PDE4D: variants seen among roughly 807,000 people sequenced by gnomAD.
The protein encoded by PDE4D is 3',5'-cyclic-AMP phosphodiesterase 4D.
In PDE4D, 24 loss-of-function variants were observed where a neutral mutation model predicts 87.4. That is an observed-to-expected ratio of 0.27 (90% CI 0.20 to 0.39). The LOEUF (loss-of-function observed/expected upper bound fraction) is 0.39, where lower values mean the gene tolerates loss of function less well. Ranked by LOEUF, PDE4D falls within the 10% of genes least tolerant of loss-of-function variation. The pLI, the probability that PDE4D is intolerant of heterozygous loss-of-function variation, is 1.00. For missense variants in PDE4D, 714 were observed against 1,041.0 expected (o/e 0.69, Z 4.32); for synonymous variants, 384 against 383.2 (o/e 1.00, Z -0.02).
chr5:59,580,934 T>C (rs1299566090), intron 1 of PDE4D, among the ~76,000 whole-genome samples: 20 of 152,136 alleles, frequency 1.3e-4, no homozygotes, highest in Admixed American at 1.3e-3. Context: ...AGACTCTAGA[T>C]TATCTATCCT....
chr5:59,607,930 C>G (rs1423547721), intron 1 of PDE4D, among the ~76,000 whole-genome samples: 1 of 152,100 alleles, frequency 6.6e-6, no homozygotes, highest in African/African-American at 2.4e-5. Context: ...CTTTCAATAG[C>G]AGGAGTAGGT....
intron 6 of PDE4D, among the ~76,000 whole-genome samples, chr5:59,016,597 C>T (rs10063703): frequency 0.1 from 15,622 of 151,994 alleles, 1,269 homozygotes; most frequent in East Asian, 0.47. Flanking sequence ...CTGCCAGGAC[C>T]TGTAATACAT....
intron 1 of PDE4D, among the ~76,000 whole-genome samples, chr5:59,596,733 T>C (rs1331215820): frequency 6.6e-6 from 1 of 152,090 alleles, no homozygotes; most frequent in Non-Finnish European, 1.5e-5. Context: ...TAAAATCTGA[T>C]GGGAATAAGC....
chr5:59,866,273 C>CTT (rs1233837840), intron 1 of PDE4D, among the ~76,000 whole-genome samples: 4 of 152,128 alleles, frequency 2.6e-5, no homozygotes, highest in Non-Finnish European at 5.9e-5. Context: ...TCTCATTATA[C>CTT]TTTCATTTCT....
chr5:59,531,064 C>T (rs1486295089), intron 1 of PDE4D, among the ~76,000 whole-genome samples: 1 of 152,222 alleles, frequency 6.6e-6, no homozygotes, highest in African/African-American at 2.4e-5. Context: ...TTGGGCAAGA[C>T]TGTTTGCTTA....
At chr5:59,307,756 G>A (rs1314844147) in intron 1 of PDE4D, among the ~76,000 whole-genome samples, 1 of 152,066 alleles carries the variant, frequency 6.6e-6, no homozygotes, top group Non-Finnish European at 1.5e-5. Flanking sequence ...CTTTTACACT[G>A]TTGGTGGGAC....
chr5:59,904,473 T>G (rs1291272773), intron 3 of PDE4D, among the ~76,000 whole-genome samples: 3 of 152,174 alleles, frequency 2.0e-5, no homozygotes, highest in African/African-American at 7.2e-5. Flanking sequence ...GTGAATATTT[T>G]TAGATAATTA....
chr5:59,082,241 T>A (rs1446800521), intron 5 of PDE4D, among the ~76,000 whole-genome samples: 3 of 152,204 alleles, frequency 2.0e-5, no homozygotes, highest in Non-Finnish European at 2.9e-5. Flanking sequence ...TTCCTTTTCA[T>A]GGTAATGAAT....
chr5:59,527,635 C>A (rs1450838333), intron 1 of PDE4D, among the ~76,000 whole-genome samples: 3 of 152,054 alleles, frequency 2.0e-5, no homozygotes, highest in African/African-American at 7.2e-5. Context: ...AATTTTATGG[C>A]CAGCTTTCCA....
At chr5:59,751,617 AGAGC>A (rs57969951) in intron 1 of PDE4D, among the ~76,000 whole-genome samples, 72 of 117,030 alleles carry the variant, frequency 6.2e-4, no homozygotes, top group Non-Finnish European at 1.1e-3. Context: ...GTGTGATGTG[AGAGC>A]GAGCGAGCGA....
chr5:59,723,168 C>T (rs1382869555), intron 1 of PDE4D, among the ~76,000 whole-genome samples: 1 of 151,932 alleles, frequency 6.6e-6, no homozygotes, highest in Non-Finnish European at 1.5e-5. Flanking sequence ...CTGCATATAC[C>T]TTCAATGTTC....
chr5:59,384,143 C>T (rs1299785044), intron 1 of PDE4D, among the ~76,000 whole-genome samples: 1 of 152,138 alleles, frequency 6.6e-6, no homozygotes, highest in African/African-American at 2.4e-5. Flanking sequence ...TGGACTCGAG[C>T]AATCCTCCCA....
chr5:59,014,506 GACAA>G (rs1753562122), intron 6 of PDE4D, among the ~76,000 whole-genome samples: 1 of 152,048 alleles, frequency 6.6e-6, no homozygotes, highest in Non-Finnish European at 1.5e-5. Context: ...ACCAATAACA[GACAA>G]ACAGCCAAAT....
chr5:59,796,683 T>G (rs1169074028), intron 1 of PDE4D, among the ~76,000 whole-genome samples: 1 of 152,250 alleles, frequency 6.6e-6, no homozygotes, highest in Non-Finnish European at 1.5e-5. Flanking sequence ...ATGTACTTGT[T>G]TGCTTTTTCA....
chr5:59,368,166 C>T (rs1251986564), intron 1 of PDE4D, among the ~76,000 whole-genome samples: 1 of 152,184 alleles, frequency 6.6e-6, no homozygotes, highest in African/African-American at 2.4e-5. Context: ...TAAATGTGCA[C>T]ATAAATATTC....
intron 5 of PDE4D, among the ~76,000 whole-genome samples, chr5:59,169,470 A>C (rs537515071): frequency 6.6e-6 from 1 of 152,316 alleles, no homozygotes; most frequent in African/African-American, 2.4e-5. Flanking sequence ...AGAGACGAGC[A>C]AGCTGCTCTA....
At chr5:59,567,734 A>T (rs910309287) in intron 1 of PDE4D, among the ~76,000 whole-genome samples, 1 of 152,212 alleles carries the variant, frequency 6.6e-6, no homozygotes, top group Non-Finnish European at 1.5e-5. Context: ...GAATTGAACA[A>T]TTAAGTAAGC....
chr5:59,606,232 A>G (rs1206109131), intron 1 of PDE4D, among the ~76,000 whole-genome samples: 1 of 151,884 alleles, frequency 6.6e-6, no homozygotes, highest in African/African-American at 2.4e-5. Context: ...AGCTTCTCAA[A>G]AGAATACATT....
intron 1 of PDE4D, among the ~76,000 whole-genome samples, chr5:59,633,363 A>G (rs760792858): frequency 6.6e-6 from 1 of 152,228 alleles, no homozygotes; most frequent in Non-Finnish European, 1.5e-5. Context: ...ACAGGCCAAC[A>G]TTCAAATTCA....
Sources: allele counts gnomAD v4.1 joint callset (sites outside exome capture counted in the v4.1 genomes callset), GRCh38; gene constraint gnomAD v4.1.1; transcripts MANE v1.5; gene names NCBI Gene and HGNC (gene_info 2026-07-23, HGNC 2026-07-21).